RNF111: variants seen among roughly 807,000 people sequenced by gnomAD.
RNF111 encodes the protein E3 ubiquitin-protein ligase Arkadia.
A neutral mutation model predicts 95.1 loss-of-function variants in RNF111; 17 were observed. The ratio of observed to expected loss-of-function variants is 0.18; its 90% CI spans 0.12 to 0.27. RNF111 has a LOEUF of 0.27. Among genes scored for constraint, RNF111 ranks in the 10% least tolerant of loss-of-function variants. The probability of loss-of-function intolerance (pLI) is 1.00; values close to 1 mark genes in which losing one functional copy is unlikely to be tolerated. For missense variants in RNF111, 1,189 were observed against 1,210.4 expected (o/e 0.98, Z 0.26); for synonymous variants, 440 against 414.8 (o/e 1.06, Z -0.74).
At chr15:59,072,327 A>G (rs1206681488) in intron 6 of RNF111, among the ~76,000 whole-genome samples, 2 of 152,190 alleles carry the variant, frequency 1.3e-5, no homozygotes, top group Admixed American at 6.6e-5. Flanking sequence ...TTTTACCCAT[A>G]GAACTTCTTT....
At chr15:59,010,762 A>C (rs760274454) in intron 1 of RNF111, among the ~76,000 whole-genome samples, 2 of 152,046 alleles carry the variant, frequency 1.3e-5, no homozygotes, top group Non-Finnish European at 2.9e-5. Flanking sequence ...GCTTGAAGGT[A>C]ATGGAAAAGT....
chr15:59,027,533 CT>C (rs201452276), intron 1 of RNF111, among the ~76,000 whole-genome samples: 111 of 144,236 alleles, frequency 7.7e-4, no homozygotes, highest in Admixed American at 7.7e-4. Context: ...ACCTTTTTTT[CT>C]TTTTTTTTTT....
chr15:59,017,123 G>A (rs1363554958), intron 1 of RNF111, among the ~76,000 whole-genome samples: 2 of 151,942 alleles, frequency 1.3e-5, no homozygotes, highest in African/African-American at 4.8e-5. Context: ...AAATGTACTC[G>A]GATCATCTCA....
At chr15:59,092,344 G>C (rs2079076498) in intron 12 of RNF111, among the ~76,000 whole-genome samples, 193 bp from the exon 13 acceptor site, 1 of 151,928 alleles carries the variant, frequency 6.6e-6, no homozygotes, top group Non-Finnish European at 1.5e-5. Flanking sequence ...ATTATTAGAG[G>C]GTCTTAAAAA....
At chr15:58,995,114 G>A (rs1304923333) in intron 1 of RNF111, among the ~76,000 whole-genome samples, 2 of 152,176 alleles carry the variant, frequency 1.3e-5, no homozygotes, top group East Asian at 3.9e-4. Context: ...TTGAGATAGT[G>A]CAGCTACTCT....
In RNF111 at chr15:59,080,961, T is replaced by C. The variant is rs1196454788; in HGVS notation, c.1974T>C (p.His658=). 1 of 1,613,018 alleles carries C rather than the reference T, an allele frequency of 6.2e-7. No homozygotes were observed. The highest frequency in any genetic ancestry group is 1.7e-5 in the Admixed American group (1 of 59,974). ...PPYASLTRPL[H]HQASACPHSH... ...ATGCCTCTTTGACAAGGCCACTTCATCATCAAGCTTCTGCCTGCCCGCATT... is the reference window on the plus strand; with the variant it reads ...ATGCCTCTTTGACAAGGCCACTTCACCATCAAGCTTCTGCCTGCCCGCATT... Residue 658 remains histidine (H), a synonymous_variant, in exon 8 of 14, where the codon CAT becomes CAC. Transcript: ENST00000348370.
chr15:59,068,105 T>C (rs1298201149), intron 6 of RNF111, among the ~76,000 whole-genome samples: 1 of 152,118 alleles, frequency 6.6e-6, no homozygotes, highest in Non-Finnish European at 1.5e-5. Flanking sequence ...GTCTGCGTGT[T>C]GCAACTCAGG....
At chr15:59,053,171 C>T (rs144289361) in intron 3 of RNF111, among the ~76,000 whole-genome samples, 105 of 152,216 alleles carry the variant, frequency 6.9e-4, no homozygotes, top group Middle Eastern at 3.4e-3. Flanking sequence ...GTAATTTTAT[C>T]GGTGCTCTGA....
Position 59,095,092 on chromosome 15 carries a change from C to G in RNF111, c.*192C>G, listed in dbSNP as rs2079155429. Reference sequence around the variant, plus strand: ...GTTGATTTTGATGTATTTATAAAAGCTTTTTTTTCTAGATTTGACATTTTT... The same window carrying G: ...GTTGATTTTGATGTATTTATAAAAGGTTTTTTTTCTAGATTTGACATTTTT... On this transcript the variant is annotated 3_prime_UTR_variant, in exon 14 of 14. Coordinates refer to ENST00000348370, the MANE Select transcript of RNF111 (RefSeq NM_017610.8). The G allele has an allele frequency of 2.0e-6, 1 of 507,046 alleles. No homozygotes were observed. Among genetic ancestry groups the G allele is most frequent in the African/African-American group, 2.1e-5 (1 of 48,490 alleles). The allele number at this position is 507,046 out of a possible 1,614,324, so 31.4% of individuals were successfully genotyped here. A position where few individuals can be genotyped will look rare whatever the true frequency, so the allele number is the denominator to read the frequency against.
At chr15:58,999,996 C>G (rs764981471) in intron 1 of RNF111, among the ~76,000 whole-genome samples, 1 of 152,084 alleles carries the variant, frequency 6.6e-6, no homozygotes. Context: ...TAGAAATTGC[C>G]CAGATAATCC....
chr15:59,000,015 C>G (rs1311820141), intron 1 of RNF111, among the ~76,000 whole-genome samples: 5 of 152,108 alleles, frequency 3.3e-5, no homozygotes, highest in Non-Finnish European at 7.4e-5. Context: ...CCAGTCACCT[C>G]CAGGCAGGCC....
chr15:59,021,251 A>G (rs1400207059), intron 1 of RNF111, among the ~76,000 whole-genome samples: 1 of 152,120 alleles, frequency 6.6e-6, no homozygotes. Context: ...CGTGAGTTCA[A>G]GTGATTCTCC....
At chr15:59,014,552 GTTC>G (rs1191476774) in intron 1 of RNF111, among the ~76,000 whole-genome samples, 3 of 152,288 alleles carry the variant, frequency 2.0e-5, no homozygotes, top group African/African-American at 7.2e-5. Flanking sequence ...GCATTTTTCT[GTTC>G]TTAAGAAGTT....
At chr15:59,073,200 G>T (rs1370874437) in intron 6 of RNF111, among the ~76,000 whole-genome samples, 1 of 152,162 alleles carries the variant, frequency 6.6e-6, no homozygotes, top group African/African-American at 2.4e-5. Context: ...CCTGGGTGCA[G>T]TGGCTGACTT....
intron 1 of RNF111, among the ~76,000 whole-genome samples, chr15:58,999,244 A>G (rs1438024424): frequency 6.6e-6 from 1 of 152,236 alleles, no homozygotes; most frequent in East Asian, 1.9e-4. Context: ...GTCATTAGAG[A>G]GATTTGCAAA....
chr15:59,092,980 C>T (rs2079093845), intron 13 of RNF111, among the ~76,000 whole-genome samples: 1 of 151,982 alleles, frequency 6.6e-6, no homozygotes, highest in South Asian at 2.1e-4. Flanking sequence ...CCAGCCTGGG[C>T]AATAGAGTGA....
At chr15:59,001,618 A>G (rs187735329) in intron 1 of RNF111, among the ~76,000 whole-genome samples, 1 of 152,222 alleles carries the variant, frequency 6.6e-6, no homozygotes, top group East Asian at 1.9e-4. Context: ...GAATAGGTTC[A>G]CTTTAGGAAG....
intron 1 of RNF111, among the ~76,000 whole-genome samples, chr15:58,997,137 A>C (rs2039111194): frequency 6.6e-6 from 1 of 152,192 alleles, no homozygotes; most frequent in South Asian, 2.1e-4. Context: ...CAAATTTATA[A>C]GGTACAAAGA....
intron 1 of RNF111, among the ~76,000 whole-genome samples, chr15:59,029,643 C>T (rs2040808511): frequency 6.6e-6 from 1 of 152,310 alleles, no homozygotes; most frequent in Non-Finnish European, 1.5e-5. Flanking sequence ...GCTTACTAAA[C>T]AGCTGTTGTA....
Sources: gnomAD v4.1 joint callset for allele counts (sites outside exome capture counted in the v4.1 genomes callset) on GRCh38, gnomAD v4.1.1 for gene constraint, MANE v1.5 for transcripts, NCBI Gene and HGNC (gene_info 2026-07-23, HGNC 2026-07-21) for gene names.